SRGAP3: variants seen among roughly 807,000 people sequenced by gnomAD.
The protein encoded by SRGAP3 is SLIT-ROBO Rho GTPase activating protein 3.
In SRGAP3, 39 loss-of-function variants were observed where a neutral mutation model predicts 121.1. That is an observed-to-expected ratio of 0.32 (90% CI 0.25 to 0.42). SRGAP3 has a LOEUF of 0.42. Among genes scored for constraint, SRGAP3 ranks in the 10% least tolerant of loss-of-function variants. The pLI is 1.00. For missense variants in SRGAP3, 1,213 were observed against 1,470.6 expected (o/e 0.82, Z 2.86); for synonymous variants, 601 against 570.0 (o/e 1.05, Z -0.77).
intron 2 of SRGAP3, among the ~76,000 whole-genome samples, chr3:9,329,222 T>C (rs1450163969): frequency 6.6e-6 from 1 of 152,158 alleles, no homozygotes; most frequent in Non-Finnish European, 1.5e-5. Context: ...AACAGTGATT[T>C]TTACCATTCA....
chr3:9,009,450 T>A lies in SRGAP3; in HGVS notation c.2227+858A>T, dbSNP rs1026819217. On this transcript the variant is annotated intron_variant, in intron 18 of 21. Transcript: ENST00000383836. ...CCCTTCCTCCATTCAAAAAAAAAGT[T>A]AAAAATTATATTTTACAACTGCATT... Among the ~76,000 whole-genome samples the A allele has an allele frequency of 2.6e-5, 4 of 152,320 alleles. No homozygotes were observed. In the South Asian group the frequency reaches 6.2e-4, roughly 24 times the overall value.
intron 3 of SRGAP3, among the ~76,000 whole-genome samples, chr3:9,301,197 A>C (rs908846344): frequency 1.3e-5 from 2 of 152,096 alleles, no homozygotes; most frequent in African/African-American, 4.8e-5. Flanking sequence ...CTGTTGTTTC[A>C]TTCATGGCCA....
intron 7 of SRGAP3, among the ~76,000 whole-genome samples, chr3:9,056,978 T>G (rs1043898707): frequency 2.0e-5 from 3 of 152,166 alleles, no homozygotes. Flanking sequence ...ACCTCCCAGG[T>G]TCAAGCAATT....
At chr3:9,147,489 A>G (rs1411854984) in intron 1 of SRGAP3, among the ~76,000 whole-genome samples, 1 of 151,998 alleles carries the variant, frequency 6.6e-6, no homozygotes, top group Non-Finnish European at 1.5e-5. Context: ...TGTAGCCACA[A>G]CCTGAGCCCC....
chr3:9,060,466 A>C (rs1274969222), intron 5 of SRGAP3, 107 bp from the exon 6 acceptor site: 5 of 1,400,678 alleles, frequency 3.6e-6, no homozygotes, highest in Non-Finnish European at 4.8e-6. Flanking sequence ...TTGCTCTGTC[A>C]CCCAGGTGAG....
intron 15 of SRGAP3, among the ~76,000 whole-genome samples, chr3:9,015,322 C>T (rs1331768415): frequency 6.6e-6 from 1 of 152,208 alleles, no homozygotes; most frequent in Non-Finnish European, 1.5e-5. Context: ...CTGGAACACT[C>T]TGCTCCCAGC....
intron 1 of SRGAP3, among the ~76,000 whole-genome samples, chr3:9,141,342 G>A (rs1440399719): frequency 6.6e-6 from 1 of 152,184 alleles, no homozygotes; most frequent in Admixed American, 6.5e-5. Flanking sequence ...ATGCCACATG[G>A]AAGAATATCT....
intron 10 of SRGAP3, among the ~76,000 whole-genome samples, chr3:9,046,116 C>T (rs1301661905): frequency 6.6e-6 from 1 of 151,854 alleles, no homozygotes; most frequent in African/African-American, 2.4e-5. Context: ...TTCCCCCCTC[C>T]TACCCCCTAG....
intron 3 of SRGAP3, among the ~76,000 whole-genome samples, chr3:9,294,746 G>A (rs1474689204): frequency 1.3e-5 from 2 of 149,332 alleles, no homozygotes; most frequent in Admixed American, 6.7e-5. Flanking sequence ...GTGTGTTTGG[G>A]AGGGCATCCT....
At position 9,071,460 on chromosome 3, in the gene SRGAP3, T is replaced by C. The variant is rs1298779738; in HGVS notation, c.487-6879A>G. Among the ~76,000 whole-genome samples the C allele has an allele frequency of 4.6e-5, 7 of 152,254 alleles. No homozygotes were observed. In the South Asian group the frequency reaches 1.0e-3, roughly 23 times the overall value. ...GCCAATTAGATGCTACCCTAGGGCT[T>C]CACTGGAAACACTGGGAAGGGAGTG... On this transcript the variant is annotated intron_variant, in intron 4 of 21. Coordinates refer to ENST00000383836, the MANE Select transcript of SRGAP3 (RefSeq NM_014850.4).
intron 18 of SRGAP3, among the ~76,000 whole-genome samples, chr3:9,001,100 T>C (rs1458225612): frequency 6.6e-6 from 1 of 152,184 alleles, no homozygotes; most frequent in Non-Finnish European, 1.5e-5. Flanking sequence ...GGAGGGGATA[T>C]GGGGAGCAAT....
chr3:9,221,345 G>A (rs1459817161), intron 1 of SRGAP3, among the ~76,000 whole-genome samples: 1 of 152,110 alleles, frequency 6.6e-6, no homozygotes, highest in Admixed American at 6.6e-5. Flanking sequence ...AACCTGGGCA[G>A]CAGAGCACGA....
chr3:9,085,272 G>C (rs1947412033), intron 3 of SRGAP3, among the ~76,000 whole-genome samples: 1 of 152,116 alleles, frequency 6.6e-6, no homozygotes, highest in South Asian at 2.1e-4. Context: ...GATCATTGTG[G>C]GGCAGAGAGG....
chr3:9,220,434 C>T (rs1481600988), intron 1 of SRGAP3, among the ~76,000 whole-genome samples: 2 of 152,214 alleles, frequency 1.3e-5, no homozygotes, highest in Non-Finnish European at 2.9e-5. Flanking sequence ...GCCTCCTCTG[C>T]AGCTCCTGGG....
intron 18 of SRGAP3, among the ~76,000 whole-genome samples, chr3:9,003,382 G>C (rs891033946): frequency 6.6e-6 from 1 of 152,122 alleles, no homozygotes. Context: ...TGGAGGCTGA[G>C]GCAGGAGAAT....
chr3:9,000,170 C>T (rs1487955704), intron 18 of SRGAP3, among the ~76,000 whole-genome samples: 1 of 152,198 alleles, frequency 6.6e-6, no homozygotes, highest in Non-Finnish European at 1.5e-5. Context: ...TCTCATCCTG[C>T]TCCCACTACC....
At chr3:9,163,918 C>T (rs1038193631) in intron 1 of SRGAP3, among the ~76,000 whole-genome samples, 2 of 151,008 alleles carry the variant, frequency 1.3e-5, no homozygotes, top group Non-Finnish European at 2.9e-5. Context: ...TGCGCACCCA[C>T]TATTCCAGGC....
At chr3:9,319,266 A>T (rs1955401565) in intron 3 of SRGAP3, among the ~76,000 whole-genome samples, 1 of 151,924 alleles carries the variant, frequency 6.6e-6, no homozygotes, top group East Asian at 1.9e-4. Flanking sequence ...TTCAAGGCTC[A>T]TTCCTTTGTA....
chr3:9,209,456 G>A (rs753483956), intron 1 of SRGAP3, among the ~76,000 whole-genome samples: 5 of 152,170 alleles, frequency 3.3e-5, no homozygotes, highest in Non-Finnish European at 7.4e-5. Flanking sequence ...AAATGACTAT[G>A]AGAGATTTTT....
Sources: allele counts gnomAD v4.1 joint callset (sites outside exome capture counted in the v4.1 genomes callset), GRCh38; gene constraint gnomAD v4.1.1; transcripts MANE v1.5; gene names NCBI Gene and HGNC (gene_info 2026-07-23, HGNC 2026-07-21).